Variants in PCDH15 observed in about 807,000 individuals in gnomAD.
The protein encoded by PCDH15 is protocadherin-15.
Under a neutral mutation model 178.5 loss-of-function variants are expected in PCDH15, and 129 were observed. The observed-to-expected ratio is 0.72, with a 90% CI of 0.63 to 0.84. The LOEUF (loss-of-function observed/expected upper bound fraction) is 0.84. PCDH15 is among the 40% of genes least tolerant of loss of function. The pLI is 0.00. For missense variants in PCDH15, 2,230 were observed against 2,099.9 expected, an observed-to-expected ratio of 1.06 and a Z score of -1.21; for synonymous variants, 800 against 732.0, an observed-to-expected ratio of 1.09 and a Z score of -1.50.
At chr10:55,552,841 G>A (rs531239575) in intron 2 of PCDH15, among the ~76,000 whole-genome samples, 1 of 151,560 alleles carries the variant, frequency 6.6e-6, no homozygotes, top group Admixed American at 6.6e-5. Context: ...CCATAAATGT[G>A]ATTTTGTTTT....
Position 54,622,675 on chromosome 10 carries a change from T to G in PCDH15, c.91+41497A>C, listed in dbSNP as rs1382630827. ...TATACTATATAATATATATTATATATAATATATATTATATAATATATATTT... is the reference window on the plus strand; with the variant it reads ...TATACTATATAATATATATTATATAGAATATATATTATATAATATATATTT... On this transcript the variant is annotated intron_variant, in intron 2 of 37. Coordinates refer to ENST00000644397, the MANE Select transcript of PCDH15 (RefSeq NM_001384140.1). 7.1e-4 allele frequency among the ~76,000 whole-genome samples: 60 copies of G among 83,990 alleles called. 2 individuals carry two copies. The highest frequency in any genetic ancestry group is 3.0e-3 in the African/African-American group (56 of 18,566). The allele number at this position is 83,990 out of a possible 152,430, so 55.1% of individuals were successfully genotyped here.
intron 3 of PCDH15, among the ~76,000 whole-genome samples, chr10:54,872,326 C>G (rs536129258): frequency 6.6e-6 from 1 of 151,996 alleles, no homozygotes; most frequent in African/African-American, 2.4e-5. Flanking sequence ...AATACTAGAG[C>G]TGAATAGCTG....
intron 2 of PCDH15, among the ~76,000 whole-genome samples, chr10:55,526,317 C>T (rs541877079): frequency 3.9e-5 from 6 of 151,972 alleles, no homozygotes; most frequent in South Asian, 4.1e-4. Flanking sequence ...ATATCCAATA[C>T]GTAGAAAACA....
intron 2 of PCDH15, among the ~76,000 whole-genome samples, chr10:54,949,507 C>G (rs1477425559): frequency 6.6e-6 from 1 of 151,926 alleles, no homozygotes; most frequent in Non-Finnish European, 1.5e-5. Flanking sequence ...TTTTCCCCAT[C>G]ATTATGGTAA....
intron 2 of PCDH15, among the ~76,000 whole-genome samples, chr10:54,628,516 CT>C (rs2093619136): frequency 6.6e-6 from 1 of 152,156 alleles, no homozygotes; most frequent in African/African-American, 2.4e-5. Context: ...AAACCTTAAA[CT>C]TGATAATACG....
At chr10:54,448,760 T>A (rs899916510) in intron 3 of PCDH15, among the ~76,000 whole-genome samples, 2 of 151,768 alleles carry the variant, frequency 1.3e-5, no homozygotes, top group Non-Finnish European at 2.9e-5. Context: ...TACTCTTAAC[T>A]TCCTTCTCTG....
At chr10:54,554,950 G>T (rs1329908107) in intron 2 of PCDH15, among the ~76,000 whole-genome samples, 1 of 152,114 alleles carries the variant, frequency 6.6e-6, no homozygotes, top group East Asian at 1.9e-4. Flanking sequence ...GAAGCTTCCT[G>T]AATACAAACA....
chr10:53,995,872 C>CAGCCTTCCA (rs2091816612), intron 20 of PCDH15, 107 bp from the exon 21 acceptor site: 3 of 996,168 alleles, frequency 3.0e-6, no homozygotes, highest in African/African-American at 1.6e-5. Flanking sequence ...TTACCACTGT[C>CAGCCTTCCA]AGCCTTCCAT....
chr10:54,513,432 A>T (rs914351342), intron 3 of PCDH15, among the ~76,000 whole-genome samples: 6 of 151,754 alleles, frequency 4.0e-5, no homozygotes, highest in African/African-American at 1.2e-4. Flanking sequence ...GGCTAAAATA[A>T]TATTCAGTCT....
chr10:54,639,653 A>G (rs1293395332), intron 2 of PCDH15, among the ~76,000 whole-genome samples: 1 of 152,180 alleles, frequency 6.6e-6, no homozygotes, highest in African/African-American at 2.4e-5. Context: ...ATAGTGAATA[A>G]AGTAGCCAAA....
chr10:54,616,561 A>G (rs997601048), intron 2 of PCDH15, among the ~76,000 whole-genome samples: 2 of 152,100 alleles, frequency 1.3e-5, no homozygotes, highest in Admixed American at 6.6e-5. Context: ...CAGATACAGA[A>G]TCAAATATTT....
At chr10:54,861,520 C>A (rs890138617) in intron 3 of PCDH15, among the ~76,000 whole-genome samples, 2 of 152,046 alleles carry the variant, frequency 1.3e-5, no homozygotes, top group African/African-American at 4.8e-5. Context: ...GGATTCACAG[C>A]CATATCAGGC....
At chr10:54,877,938 CTTTTTTTTTTTTTTTTTTTTTTTTT>C (rs1203452904) in intron 3 of PCDH15, among the ~76,000 whole-genome samples, 7 of 8,088 alleles carry the variant, frequency 8.7e-4, no homozygotes, top group African/African-American at 3.5e-3. Context: ...CTCTCTCTCT[CTTTTTTTTTTTTTTTTTTTTTTTTT>C]TTTTTTTTTT....
At chr10:55,465,112 A>C (rs1206778607) in intron 2 of PCDH15, among the ~76,000 whole-genome samples, 1 of 152,064 alleles carries the variant, frequency 6.6e-6, no homozygotes, top group African/African-American at 2.4e-5. Context: ...CTTCCGAACC[A>C]ACAGGGTGTG....
intron 25 of PCDH15, among the ~76,000 whole-genome samples, chr10:53,938,426 G>A (rs934414288): frequency 6.6e-5 from 10 of 151,806 alleles, no homozygotes; most frequent in Non-Finnish European, 1.0e-4. Flanking sequence ...TTCTTTTCTC[G>A]AAGAAAATAT....
intron 1 of PCDH15, among the ~76,000 whole-genome samples, chr10:55,287,148 G>T (rs139295623): frequency 1.1e-4 from 16 of 152,014 alleles, no homozygotes; most frequent in African/African-American, 3.1e-4. Context: ...AGTTGCCTCA[G>T]CACAAAGTAA....
intron 18 of PCDH15, 76 bp from the exon 19 acceptor site, chr10:54,023,273 C>G (rs1052540209): frequency 7.2e-7 from 1 of 1,391,332 alleles, no homozygotes; most frequent in African/African-American, 1.4e-5. Context: ...TAACAGTTAA[C>G]AAATTATGGT....
chr10:54,033,061 G>T (rs2093337143), intron 18 of PCDH15, among the ~76,000 whole-genome samples: 1 of 151,788 alleles, frequency 6.6e-6, no homozygotes, highest in Non-Finnish European at 1.5e-5. Context: ...CTCAACACAT[G>T]GGGATTACAA....
chr10:54,013,381 C>T (rs1212183645), intron 20 of PCDH15, among the ~76,000 whole-genome samples: 3 of 151,988 alleles, frequency 2.0e-5, no homozygotes, highest in Non-Finnish European at 4.4e-5. Context: ...TATTTAGGAC[C>T]TGAATTCAAC....
Sources: gnomAD v4.1 joint callset for allele counts (sites outside exome capture counted in the v4.1 genomes callset) on GRCh38, gnomAD v4.1.1 for gene constraint, MANE v1.5 for transcripts, NCBI Gene and HGNC (gene_info 2026-07-23, HGNC 2026-07-21) for gene names.